The following IMMP2L variants were observed in gnomAD, a reference collection of about 807,000 sequenced individuals.
The protein encoded by IMMP2L is inner mitochondrial membrane peptidase subunit 2.
A neutral mutation model predicts 19.3 loss-of-function variants in IMMP2L; 18 were observed. The observed-to-expected ratio is 0.93, with a 90% CI of 0.64 to 1.38. IMMP2L has a LOEUF of 1.38. IMMP2L is among the 40% of genes most tolerant of loss of function. IMMP2L has a pLI of 0.00. For synonymous variants in IMMP2L, 76 were observed against 73.0 expected (o/e 1.04, Z -0.21); for missense variants, 233 against 218.2 (o/e 1.07, Z -0.43).
intron 3 of IMMP2L, among the ~76,000 whole-genome samples, chr7:110,982,369 A>T (rs1821392164): frequency 6.6e-6 from 1 of 152,178 alleles, no homozygotes; most frequent in African/African-American, 2.4e-5. Flanking sequence ...CCTTAGCTAT[A>T]TCACTAGTTA....
At chr7:111,165,294 A>T (rs2129607823) in intron 3 of IMMP2L, among the ~76,000 whole-genome samples, 1 of 152,158 alleles carries the variant, frequency 6.6e-6, no homozygotes, top group East Asian at 1.9e-4. Context: ...TTGTACATAT[A>T]CACCACACTT....
chr7:110,805,133 G>C (rs1351162435), intron 5 of IMMP2L, among the ~76,000 whole-genome samples: 2 of 152,068 alleles, frequency 1.3e-5, no homozygotes, highest in African/African-American at 4.8e-5. Flanking sequence ...TTAAAAGGTA[G>C]ATGAGTGACT....
chr7:110,857,462 A>G (rs1422969876), intron 5 of IMMP2L, among the ~76,000 whole-genome samples: 1 of 152,114 alleles, frequency 6.6e-6, no homozygotes, highest in African/African-American at 2.4e-5. Context: ...TTTGACTAAC[A>G]TAAAAGACAT....
chr7:110,937,777 G>A (rs1816283674), intron 4 of IMMP2L, among the ~76,000 whole-genome samples: 2 of 152,116 alleles, frequency 1.3e-5, no homozygotes, highest in Non-Finnish European at 1.5e-5. Context: ...TGGCAGAAGA[G>A]GCATGTTATG....
chr7:111,011,290 T>A (rs1387353903), intron 3 of IMMP2L, among the ~76,000 whole-genome samples: 1 of 152,106 alleles, frequency 6.6e-6, no homozygotes, highest in East Asian at 1.9e-4. Context: ...TACTATCTGA[T>A]TCAGTAACGC....
chr7:110,911,928 A>C (rs903707244), intron 4 of IMMP2L, among the ~76,000 whole-genome samples: 1 of 152,114 alleles, frequency 6.6e-6, no homozygotes, highest in African/African-American at 2.4e-5. Context: ...AAATGCATTC[A>C]GAATTTTCTC....
intron 3 of IMMP2L, among the ~76,000 whole-genome samples, chr7:111,007,510 C>T (rs187365368): frequency 3.9e-5 from 6 of 152,214 alleles, no homozygotes; most frequent in Admixed American, 2.6e-4. Context: ...CCTTCTCAGT[C>T]TCCTTTACTG....
At chr7:111,077,826 T>C (rs1007869294) in intron 3 of IMMP2L, among the ~76,000 whole-genome samples, 16 of 152,224 alleles carry the variant, frequency 1.1e-4, no homozygotes, top group African/African-American at 3.1e-4. Context: ...ACTTCCTCTT[T>C]GTTCATTACT....
At position 111,016,818 on chromosome 7, in the gene IMMP2L, A is replaced by C. The variant is rs1359612000; in HGVS notation, c.240-53253T>G. On this transcript the variant is annotated intron_variant, in intron 3 of 5. Coordinates refer to ENST00000405709, the MANE Select transcript of IMMP2L (RefSeq NM_032549.4). ...TAATATATAATATATACTATATATTATATATAATATATAGTATATATTATA... is the reference window on the plus strand; with the variant it reads ...TAATATATAATATATACTATATATTCTATATAATATATAGTATATATTATA... Among the ~76,000 whole-genome samples the C allele has an allele frequency of 8.0e-5, 4 of 50,022 alleles. No individual in the cohort carries two copies. In the East Asian group the frequency reaches 6.5e-3, roughly 81 times the overall value. 32.8% of individuals were successfully genotyped at this position (50,022 alleles called of 152,430 possible).
intron 3 of IMMP2L, among the ~76,000 whole-genome samples, chr7:111,432,979 C>G (rs772974640): frequency 6.7e-6 from 1 of 150,194 alleles, no homozygotes; most frequent in South Asian, 2.1e-4. Flanking sequence ...AAAAAAAACA[C>G]ACCTGGGAAT....
intron 2 of IMMP2L, among the ~76,000 whole-genome samples, chr7:111,504,139 C>G (rs2132481392): frequency 6.6e-6 from 1 of 152,210 alleles, no homozygotes; most frequent in South Asian, 2.1e-4. Flanking sequence ...GATACAAAAT[C>G]AATGCACAAA....
At chr7:111,442,948 G>A (rs1837895552) in intron 3 of IMMP2L, among the ~76,000 whole-genome samples, 1 of 151,746 alleles carries the variant, frequency 6.6e-6, no homozygotes, top group Non-Finnish European at 1.5e-5. Flanking sequence ...ATGTTGACAG[G>A]GATAACACCA....
chr7:110,966,941 A>G (rs577039526), intron 3 of IMMP2L, among the ~76,000 whole-genome samples: 40 of 152,218 alleles, frequency 2.6e-4, no homozygotes, highest in African/African-American at 8.9e-4. Context: ...TTACTTGAGG[A>G]ATACAATGGA....
At chr7:110,725,885 C>A (rs1034270560) in intron 5 of IMMP2L, 2 of 152,194 alleles carry the variant, frequency 1.3e-5, no homozygotes, top group Non-Finnish European at 2.9e-5. Context: ...ACTGCTGCTA[C>A]TACTTACATA....
At chr7:111,176,648 G>A (rs943909487) in intron 3 of IMMP2L, among the ~76,000 whole-genome samples, 6 of 151,996 alleles carry the variant, frequency 3.9e-5, no homozygotes, top group Non-Finnish European at 7.4e-5. Flanking sequence ...CTGTGAGTGT[G>A]AGGATGGTTA....
intron 2 of IMMP2L, among the ~76,000 whole-genome samples, chr7:111,504,821 T>C (rs2132490262): frequency 6.6e-6 from 1 of 152,032 alleles, no homozygotes; most frequent in East Asian, 1.9e-4. Context: ...AAAAATTAAT[T>C]CAAGATGGAT....
In IMMP2L at chr7:111,409,955, T is replaced by G. The variant is rs1384859574; in HGVS notation, c.239+77283A>C. Among the ~76,000 whole-genome samples the G allele has an allele frequency of 4.6e-5, 7 of 151,712 alleles. No homozygotes were observed. The East Asian group carries it at 1.3e-3, about 29-fold the overall frequency. Reference sequence around the variant, plus strand: ...GTATAAGAATGGGGAACTCAGAGCCTCATGGTCCAAATAAGTTGAGAAACA... The same window carrying G: ...GTATAAGAATGGGGAACTCAGAGCCGCATGGTCCAAATAAGTTGAGAAACA... On this transcript the variant is annotated intron_variant, in intron 3 of 5. Coordinates refer to ENST00000405709, the MANE Select transcript of IMMP2L (RefSeq NM_032549.4).
At position 111,123,945 on chromosome 7, in the gene IMMP2L, A is replaced by C. The variant is rs549927900; in HGVS notation, c.240-160380T>G. On this transcript the variant is annotated intron_variant, in intron 3 of 5. Coordinates refer to ENST00000405709, the MANE Select transcript of IMMP2L (RefSeq NM_032549.4). The surrounding 1 kb of genome is among the most constrained non-coding windows in gnomAD (Gnocchi z 6.4). Reference sequence around the variant, plus strand: ...AAACCAACATTCGATTCATGGAGCCAGATTCACTGTTTTGCGTGGACCCAC... The same window carrying C: ...AAACCAACATTCGATTCATGGAGCCCGATTCACTGTTTTGCGTGGACCCAC... The C allele has an allele frequency of 1.2e-5, 20 of 1,614,056 alleles. No homozygotes were observed. In the South Asian group the frequency reaches 2.2e-4, roughly 18 times the overall value.
At chr7:110,704,493 T>G (rs1584556009) in intron 5 of IMMP2L, among the ~76,000 whole-genome samples, 1 of 152,330 alleles carries the variant, frequency 6.6e-6, no homozygotes, top group East Asian at 1.9e-4. Flanking sequence ...ACCATTTTGT[T>G]ATGTGGTGAA....
Sources: gnomAD v4.1 joint callset for allele counts (sites outside exome capture counted in the v4.1 genomes callset) on GRCh38, gnomAD v4.1.1 for gene constraint, Gnocchi (gnomAD v3.1) non-coding constraint, MANE v1.5 for transcripts, NCBI Gene and HGNC (gene_info 2026-07-23, HGNC 2026-07-21) for gene names.